The following COL21A1 variants were observed in gnomAD, a reference collection of about 807,000 sequenced individuals.
The protein encoded by COL21A1 is collagen type XXI alpha 1 chain.
Under a neutral mutation model 137.9 loss-of-function variants are expected in COL21A1, and 149 were observed. The observed-to-expected ratio is 1.08, with a 90% CI of 0.95 to 1.24. The LOEUF (loss-of-function observed/expected upper bound fraction) is 1.24, where lower values mean the gene tolerates loss of function less well. Ranked by LOEUF, COL21A1 falls within the 50% of genes most tolerant of loss-of-function variation. The pLI, the probability that COL21A1 is intolerant of heterozygous loss-of-function variation, is 0.00. For synonymous variants in COL21A1, 456 were observed against 391.5 expected, an observed-to-expected ratio of 1.16 and a Z score of -1.95; for missense variants, 1,167 against 1,158.4, an observed-to-expected ratio of 1.01 and a Z score of -0.11.
chr6:56,058,310 T>C (rs1765506010), intron 29 of COL21A1, among the ~76,000 whole-genome samples: 1 of 152,214 alleles, frequency 6.6e-6, no homozygotes, highest in Non-Finnish European at 1.5e-5. Flanking sequence ...TTATTCTTAT[T>C]ACTTTAGTAT....
At chr6:56,070,720 A>G in intron 21 of COL21A1, 25 bp downstream of exon 21, 7 of 1,518,308 alleles carry the variant, frequency 4.6e-6, no homozygotes, top group Non-Finnish European at 5.3e-6. Context: ...TTCTTTGAAA[A>G]TATTTTCAAA....
At chr6:56,096,446 A>AC (rs1185954743) in intron 17 of COL21A1, among the ~76,000 whole-genome samples, 1 of 152,220 alleles carries the variant, frequency 6.6e-6, no homozygotes, top group Non-Finnish European at 1.5e-5. Context: ...ACAAGTTATA[A>AC]TAAATCTATC....
At chr6:56,128,121 A>T (rs902284231) in intron 12 of COL21A1, among the ~76,000 whole-genome samples, 2 of 152,140 alleles carry the variant, frequency 1.3e-5, no homozygotes, top group Non-Finnish European at 2.9e-5. Flanking sequence ...ATTGGGGTAG[A>T]TTGTTCAGGG....
At chr6:56,240,808 G>A (rs984401854) in intron 1 of COL21A1, among the ~76,000 whole-genome samples, 1 of 152,104 alleles carries the variant, frequency 6.6e-6, no homozygotes, top group Non-Finnish European at 1.5e-5. Flanking sequence ...GGTCTTCTTG[G>A]CCTTTATTTA....
chr6:56,353,555 G>A (rs1765764261), intron 1 of COL21A1, among the ~76,000 whole-genome samples: 1 of 152,070 alleles, frequency 6.6e-6, no homozygotes, highest in Admixed American at 6.6e-5. Flanking sequence ...TTCAACCCTT[G>A]GCATCATGCG....
chr6:56,167,538 G>A (rs1776689534), intron 6 of COL21A1, among the ~76,000 whole-genome samples: 2 of 152,168 alleles, frequency 1.3e-5, no homozygotes, highest in Non-Finnish European at 2.9e-5. Flanking sequence ...AATAGAAACA[G>A]TGCAGGAGGG....
At chr6:56,140,684 G>T (rs1774341259) in intron 12 of COL21A1, among the ~76,000 whole-genome samples, 1 of 152,140 alleles carries the variant, frequency 6.6e-6, no homozygotes, top group South Asian at 2.1e-4. Context: ...TCTGGGCAAA[G>T]AACTCTCAGA....
intron 1 of COL21A1, among the ~76,000 whole-genome samples, chr6:56,262,426 G>T (rs915390289): frequency 8.6e-5 from 13 of 152,032 alleles, no homozygotes; most frequent in Admixed American, 6.6e-4. Flanking sequence ...TGGTATCTTA[G>T]TATGAGCTCC....
chr6:56,352,478 T>A (rs1765731208), intron 1 of COL21A1, among the ~76,000 whole-genome samples: 1 of 151,700 alleles, frequency 6.6e-6, no homozygotes, highest in Non-Finnish European at 1.5e-5. Context: ...TTAAACTCCC[T>A]GGCTCCACGC....
intron 10 of COL21A1, among the ~76,000 whole-genome samples, chr6:56,150,450 G>A (rs1273919469): frequency 2.0e-5 from 3 of 151,918 alleles, no homozygotes; most frequent in East Asian, 1.9e-4. Flanking sequence ...CCTGGGAGGC[G>A]GAGCTTGCAG....
rs1765887149 is a variant in COL21A1 at position 56,358,416 on chromosome 6, A to G, written c.-39+35555T>C. Among the ~76,000 whole-genome samples the G allele has an allele frequency of 2.0e-5, 3 of 152,304 alleles. No homozygotes were observed. In the South Asian group the frequency reaches 6.2e-4, roughly 32 times the overall value. On this transcript the variant is annotated intron_variant, in intron 1 of 28. Transcript: ENST00000370819. ...TGAACATAAATGTCCTCTCTAAACA[A>G]TTGATTTCACGTCTGAATTTGAATC...
intron 9 of COL21A1, among the ~76,000 whole-genome samples, chr6:56,161,101 T>G (rs568611711): frequency 6.6e-6 from 1 of 152,334 alleles, no homozygotes; most frequent in South Asian, 2.1e-4. Flanking sequence ...TTCCAAAGGC[T>G]TTTGTGTTTA....
At chr6:56,145,590 C>A (rs1245647208) in intron 10 of COL21A1, among the ~76,000 whole-genome samples, 4 of 151,962 alleles carry the variant, frequency 2.6e-5, no homozygotes, top group African/African-American at 9.7e-5. Flanking sequence ...GCAGGGTCAA[C>A]CTTAAAGAAA....
chr6:56,170,923 T>TC (rs1776990655), intron 4 of COL21A1, 37 bp downstream of exon 4: 1 of 1,591,372 alleles, frequency 6.3e-7, no homozygotes, highest in African/African-American at 1.4e-5. Context: ...CACAGACATA[T>TC]CCCCCCAAAA....
rs140393361 is a variant in COL21A1 at position 56,161,118 on chromosome 6, G to T, written c.1371+3305C>A. On this transcript the variant is annotated intron_variant, in intron 9 of 29. Coordinates refer to ENST00000244728, the MANE Select transcript of COL21A1 (RefSeq NM_030820.4). ...CCAAAGGCTTTTGTGTTTAGACAGA[G>T]GGTACCTTGATAGTCCCAATGAATC... Among the ~76,000 whole-genome samples, 539 of 152,244 alleles carry T rather than the reference G, an allele frequency of 3.5e-3. 6 individuals carry two copies. The highest frequency in any genetic ancestry group is 0.012 in the African/African-American group (512 of 41,510).
intron 17 of COL21A1, among the ~76,000 whole-genome samples, chr6:56,095,698 A>T (rs529900367): frequency 1.3e-4 from 20 of 152,236 alleles, no homozygotes; most frequent in African/African-American, 4.8e-4. Flanking sequence ...CATGCATGCT[A>T]CACACTCCTG....
chr6:56,201,148 G>A (rs1327391998), intron 1 of COL21A1, among the ~76,000 whole-genome samples: 1 of 152,058 alleles, frequency 6.6e-6, no homozygotes, highest in East Asian at 1.9e-4. Flanking sequence ...TTTTGATGGG[G>A]TTGTTTGTTT....
At chr6:56,251,327 C>A (rs147465518), upstream of COL21A1, among the ~76,000 whole-genome samples, 57 of 152,254 alleles carry the variant, frequency 3.7e-4, no homozygotes, top group East Asian at 5.0e-3. Context: ...CCACAGTGAA[C>A]CTAAGTCACA....
At position 56,182,532 on chromosome 6, in the gene COL21A1, T is replaced by G; in HGVS notation, c.87A>C (p.Ser29=). ...SVLAEDGEVR[S]SCRTAPTDLV... ...AAGGACAATGCTGATAGTTCTTACTTGATCTTACTTCCCCATCTTCAGCTA... is the reference window on the plus strand; with the variant it reads ...AAGGACAATGCTGATAGTTCTTACTGGATCTTACTTCCCCATCTTCAGCTA... The change falls in exon 2 of 30, where the codon TCA becomes TCC. Residue 29 remains serine, a splice_region_variant and synonymous_variant. Transcript: ENST00000244728. 6.3e-7 allele frequency: 1 copy of G among 1,588,702 alleles called. No homozygotes were observed. Among genetic ancestry groups the G allele is most frequent in the East Asian group, 2.2e-5 (1 of 44,510 alleles).
Sources: allele counts gnomAD v4.1 joint callset (sites outside exome capture counted in the v4.1 genomes callset), GRCh38; gene constraint gnomAD v4.1.1; transcripts MANE v1.5; gene names NCBI Gene and HGNC (gene_info 2026-07-23, HGNC 2026-07-21).